The following USP46 variants were observed in gnomAD, a reference collection of about 807,000 sequenced individuals.
The protein encoded by USP46 is ubiquitin carboxyl-terminal hydrolase 46.
A neutral mutation model predicts 44.4 loss-of-function variants in USP46; 12 were observed. That is an observed-to-expected ratio of 0.27 (90% CI 0.17 to 0.44). USP46 has a LOEUF of 0.44. USP46 is among the 20% of genes least tolerant of loss of function. The pLI, the probability that USP46 is intolerant of heterozygous loss-of-function variation, is 1.00. For missense variants in USP46, 248 were observed against 444.8 expected (o/e 0.56, Z 3.98); for synonymous variants, 155 against 161.5 (o/e 0.96, Z 0.31).
At chr4:52,621,397 T>C (rs1353861287) in intron 4 of USP46, among the ~76,000 whole-genome samples, 1 of 152,180 alleles carries the variant, frequency 6.6e-6, no homozygotes, top group Non-Finnish European at 1.5e-5. Context: ...GGCTCACGTA[T>C]GTAATCCCAG....
intron 4 of USP46, among the ~76,000 whole-genome samples, chr4:52,623,672 T>C (rs1428592022): frequency 6.6e-6 from 1 of 152,188 alleles, no homozygotes; most frequent in Non-Finnish European, 1.5e-5. Flanking sequence ...ACGCCTGTAA[T>C]CCCAGCACTT....
chr4:52,609,551 C>T (rs986882962), intron 5 of USP46, among the ~76,000 whole-genome samples: 4 of 152,166 alleles, frequency 2.6e-5, no homozygotes, highest in African/African-American at 4.8e-5. Flanking sequence ...TCTCCCATCA[C>T]GGAACTCTGA....
rs950999481 is a variant in USP46, at chr4:52,595,724, T to A, written c.*1916A>T. The A allele has an allele frequency of 6.6e-6, 1 of 152,222 alleles. No individual in the cohort carries two copies. The highest frequency in any genetic ancestry group is 2.4e-5 in the African/African-American group (1 of 41,458). The allele number at this position is 152,222 out of a possible 1,614,324, so 9.4% of individuals were successfully genotyped here. A position where few individuals can be genotyped will look rare whatever the true frequency, so the allele number is the denominator to read the frequency against. ...AAGATAATTTTAATAACTTTTCTTATGAATCAGTTCCAAATATATTAGAGA... is the reference window on the plus strand; with the variant it reads ...AAGATAATTTTAATAACTTTTCTTAAGAATCAGTTCCAAATATATTAGAGA... On this transcript the variant is annotated 3_prime_UTR_variant, in exon 9 of 9. Transcript: ENST00000441222.
chr4:52,622,020 G>A (rs1407673652), intron 4 of USP46, among the ~76,000 whole-genome samples: 1 of 152,186 alleles, frequency 6.6e-6, no homozygotes, highest in Non-Finnish European at 1.5e-5. Context: ...ATACATGTAT[G>A]TGATTTCATC....
chr4:52,611,428 G>A (rs540257409), intron 4 of USP46, among the ~76,000 whole-genome samples: 1 of 152,332 alleles, frequency 6.6e-6, no homozygotes, highest in South Asian at 2.1e-4. Flanking sequence ...CTTGTTCCCG[G>A]AGTAGCAGGA....
chr4:52,659,293 C>G lies in USP46; in HGVS notation c.-143G>C. ...TTCAGTTTGGCTGGGAGAGGGAGGC[C>G]GGGAGGAGGAGGCGGCGGCGCGGGG... On this transcript the variant is annotated 5_prime_UTR_variant, in exon 1 of 9. Coordinates refer to ENST00000441222, the MANE Select transcript of USP46 (RefSeq NM_022832.4). The surrounding 1 kb of genome is among the most constrained non-coding windows in gnomAD (Gnocchi z 4.2). 3 of 280,494 alleles carry G rather than the reference C, an allele frequency of 1.1e-5. No homozygotes were observed. Among genetic ancestry groups the G allele is most frequent in the Non-Finnish European group, 1.2e-5 (2 of 171,784 alleles). 17.4% of individuals were successfully genotyped at this position (280,494 alleles called of 1,614,324 possible). A position where few individuals can be genotyped will look rare whatever the true frequency, so the allele number is the denominator to read the frequency against.
At chr4:52,646,814 A>G (rs141577417) in intron 1 of USP46, among the ~76,000 whole-genome samples, 33 of 152,324 alleles carry the variant, frequency 2.2e-4, no homozygotes, top group African/African-American at 7.7e-4. Flanking sequence ...GAGAAATGCA[A>G]ACTACAAATA....
chr4:52,643,374 CCCA>C (rs1416787580), intron 1 of USP46, among the ~76,000 whole-genome samples: 8 of 152,190 alleles, frequency 5.3e-5, no homozygotes, highest in African/African-American at 1.9e-4. Flanking sequence ...CAGAATATGA[CCCA>C]CCAATTGTTG....
chr4:52,618,057 C>G (rs1717231617), intron 4 of USP46, among the ~76,000 whole-genome samples: 1 of 152,180 alleles, frequency 6.6e-6, no homozygotes, highest in African/African-American at 2.4e-5. Context: ...CCTTATAAAT[C>G]ATGAGCTTTG....
At chr4:52,658,549 C>T (rs1719045842) in intron 1 of USP46, among the ~76,000 whole-genome samples, 1 of 152,210 alleles carries the variant, frequency 6.6e-6, no homozygotes, top group Admixed American at 6.5e-5. Flanking sequence ...GAGCAAATTA[C>T]GGTGCTTTTT....
chr4:52,616,242 A>T (rs754663559), intron 4 of USP46, among the ~76,000 whole-genome samples: 12 of 152,234 alleles, frequency 7.9e-5, no homozygotes, highest in Non-Finnish European at 1.3e-4. Flanking sequence ...GCTGCTTAAC[A>T]TCCTATAATG....
At chr4:52,635,255 C>T (rs2109645784) in intron 1 of USP46, among the ~76,000 whole-genome samples, 1 of 152,302 alleles carries the variant, frequency 6.6e-6, no homozygotes, top group African/African-American at 2.4e-5. Context: ...ATAGCCCTCA[C>T]CCTGCCCTTT....
At chr4:52,629,363 C>T (rs1717719330) in intron 2 of USP46, among the ~76,000 whole-genome samples, 1 of 152,158 alleles carries the variant, frequency 6.6e-6, no homozygotes, top group Admixed American at 6.6e-5. Flanking sequence ...TTAATAAACA[C>T]AGATCCCACA....
chr4:52,592,668 G>C lies in USP46; in HGVS notation c.*4972C>G, dbSNP rs955851482. 1.1e-5 allele frequency: 4 copies of C among 377,066 alleles called. No individual in the cohort carries two copies. The highest frequency in any genetic ancestry group is 4.5e-5 in the Admixed American group (1 of 22,052). The allele number at this position is 377,066 out of a possible 1,614,324, so 23.4% of individuals were successfully genotyped here. A position where few individuals can be genotyped will look rare whatever the true frequency, so the allele number is the denominator to read the frequency against. Reference sequence around the variant, plus strand: ...AGCTTGGCCAATATGAGAAAACTTTGTATCTACTGAAAATACAAAAATTAC... The same window carrying C: ...AGCTTGGCCAATATGAGAAAACTTTCTATCTACTGAAAATACAAAAATTAC... On this transcript the variant is annotated 3_prime_UTR_variant, in exon 9 of 9. Transcript: ENST00000441222.
At chr4:52,615,524 G>T (rs2109614694) in intron 4 of USP46, among the ~76,000 whole-genome samples, 1 of 152,258 alleles carries the variant, frequency 6.6e-6, no homozygotes, top group Middle Eastern at 3.4e-3. Context: ...AAAAACACAT[G>T]AAGCTGGAAC....
At chr4:52,657,370 T>TG (rs1455855530) in intron 1 of USP46, among the ~76,000 whole-genome samples, 1 of 143,406 alleles carries the variant, frequency 7.0e-6, no homozygotes, top group Admixed American at 6.9e-5. Context: ...TGAGGGTGGG[T>TG]GGGGGGACGC....
At chr4:52,645,996 C>T (rs953485619) in intron 1 of USP46, among the ~76,000 whole-genome samples, 6 of 152,154 alleles carry the variant, frequency 3.9e-5, no homozygotes, top group Admixed American at 2.6e-4. Flanking sequence ...TTTCCTGAAG[C>T]CTCCCAGTCA....
intron 4 of USP46, among the ~76,000 whole-genome samples, chr4:52,616,921 G>T (rs558967745): frequency 6.6e-6 from 1 of 152,230 alleles, no homozygotes; most frequent in South Asian, 2.1e-4. Flanking sequence ...AAAATATTTT[G>T]AACTAATGCC....
At chr4:52,641,677 C>G (rs140127158) in intron 1 of USP46, among the ~76,000 whole-genome samples, 1 of 152,090 alleles carries the variant, frequency 6.6e-6, no homozygotes. Context: ...ACACAGGGAC[C>G]AGGAAGCATC....
Sources: gnomAD v4.1 joint callset for allele counts (sites outside exome capture counted in the v4.1 genomes callset) on GRCh38, gnomAD v4.1.1 for gene constraint, Gnocchi (gnomAD v3.1) non-coding constraint, MANE v1.5 for transcripts, NCBI Gene and HGNC (gene_info 2026-07-23, HGNC 2026-07-21) for gene names.